SEMA5B: variants seen among roughly 807,000 people sequenced by gnomAD.
SEMA5B encodes the protein semaphorin-5B.
SEMA5B carries 66 observed loss-of-function variants against 135.0 expected under a neutral mutation model. The ratio of observed to expected loss-of-function variants is 0.49; its 90% CI spans 0.40 to 0.60. The LOEUF is 0.60. SEMA5B is among the 20% of genes least tolerant of loss of function. The probability of loss-of-function intolerance (pLI) is 0.00; values close to 1 mark genes in which losing one functional copy is unlikely to be tolerated. For synonymous variants in SEMA5B, 690 were observed against 639.5 expected, an observed-to-expected ratio of 1.08 and a Z score of -1.19; for missense variants, 1,501 against 1,566.3, an observed-to-expected ratio of 0.96 and a Z score of 0.70.
intron 1 of SEMA5B, among the ~76,000 whole-genome samples, chr3:122,972,731 G>T (rs1299322371): frequency 6.6e-6 from 1 of 152,162 alleles, no homozygotes. Context: ...CCCTTCATGT[G>T]GATGGGTCCT....
intron 4 of SEMA5B, among the ~76,000 whole-genome samples, chr3:122,939,990 T>C (rs1434183253): frequency 6.6e-6 from 1 of 152,144 alleles, no homozygotes; most frequent in Non-Finnish European, 1.5e-5. Context: ...GATTTGTTTG[T>C]TCATCTCCTG....
rs912584742 is a variant in SEMA5B, at chr3:123,027,702, C to G, written c.-277G>C. On this transcript the variant is annotated 5_prime_UTR_variant, in exon 1 of 23. Coordinates refer to ENST00000357599, the MANE Select transcript of SEMA5B (RefSeq NM_001031702.4). ...ACCCGCCCGGCTCGGCGGAGCTGGG[C>G]TCTGGCACCAACCCCCGCGCTCCAA... 1 of 152,206 alleles carries G rather than the reference C, an allele frequency of 6.6e-6. No homozygotes were observed. Among genetic ancestry groups the G allele is most frequent in the Non-Finnish European group, 1.5e-5 (1 of 68,080 alleles). 9.4% of individuals were successfully genotyped at this position (152,206 alleles called of 1,614,324 possible). A position where few individuals can be genotyped will look rare whatever the true frequency, so the allele number is the denominator to read the frequency against.
At position 122,924,328 on chromosome 3, in the gene SEMA5B, C is replaced by T. The variant is rs769062818; in HGVS notation, c.1137-576G>A. ...GCTCACAGAGAGGAAACCACCATAC[C>T]AAACGCCTCCAGTTATATTCTTCGC... On this transcript the variant is annotated intron_variant, in intron 9 of 22. Transcript: ENST00000357599. Among the ~76,000 whole-genome samples, 21 of 152,262 alleles carry T rather than the reference C, an allele frequency of 1.4e-4. No individual in the cohort carries two copies. The East Asian group carries it at 2.3e-3, about 17-fold the overall frequency.
intron 5 of SEMA5B, among the ~76,000 whole-genome samples, chr3:122,930,675 A>T (rs9873067): frequency 1.6e-3 from 236 of 152,208 alleles, no homozygotes; most frequent in African/African-American, 5.1e-3. Flanking sequence ...GGGCTGTACC[A>T]TAAGAGGAGT....
chr3:123,012,209 G>T (rs1473711786), intron 1 of SEMA5B, among the ~76,000 whole-genome samples: 1 of 152,186 alleles, frequency 6.6e-6, no homozygotes, highest in Non-Finnish European at 1.5e-5. Flanking sequence ...TTCGGTGAGA[G>T]ACTGGCCTGT....
chr3:122,986,416 C>G (rs1941696175), intron 1 of SEMA5B, among the ~76,000 whole-genome samples: 1 of 152,094 alleles, frequency 6.6e-6, no homozygotes, highest in Non-Finnish European at 1.5e-5. Context: ...GAAAAATCAC[C>G]AAAACCAAAG....
chr3:122,972,800 T>C (rs1941176639), intron 1 of SEMA5B, among the ~76,000 whole-genome samples: 1 of 152,218 alleles, frequency 6.6e-6, no homozygotes, highest in Non-Finnish European at 1.5e-5. Context: ...AGAAGGCTTG[T>C]CATGGCTCCC....
rs1484265908 is a variant in SEMA5B at position 122,981,848 on chromosome 3, G to A, written c.-38-20547C>T. Among the ~76,000 whole-genome samples, 9 of 152,244 alleles carry A rather than the reference G, an allele frequency of 5.9e-5. No individual in the cohort carries two copies. In the East Asian group the frequency reaches 1.5e-3, roughly 26 times the overall value. ...AGAAACAGGTGATGTGGGTTTGGGA[G>A]GCAACCAGGATCTGGTGTGACACGG... On this transcript the variant is annotated intron_variant, in intron 1 of 22. Coordinates refer to ENST00000357599, the MANE Select transcript of SEMA5B (RefSeq NM_001031702.4).
Position 122,913,975 on chromosome 3 carries a change from G to A in SEMA5B, c.2015C>T (p.Ser672Leu), listed in dbSNP as rs1937926137. ...SRNGAWTPWSSWALCSTSCGI... is the reference protein window; with the variant it reads ...SRNGAWTPWSLWALCSTSCGI... ...ACAGGACGTGCTGCACAGCGCCCAC[G>A]ATGACCACGGGGTCCACGCCCCATT... Residue 672 changes from serine (S) to leucine (L), a missense_variant, in exon 15 of 23, where the codon TCG becomes TTG. Ser to Leu is a moderately radical substitution (Grantham distance 145, BLOSUM62 -2). Around this residue, in one of 2 missense-constraint regions of SEMA5B, gnomAD observed 927 missense variants for 881.6 expected, o/e 1.05. Transcript: ENST00000357599. 6.2e-7 allele frequency: 1 copy of A among 1,607,682 alleles called. No homozygotes were observed. The highest frequency in any genetic ancestry group is 1.3e-5 in the African/African-American group (1 of 74,852).
At chr3:123,021,303 T>G (rs1480430614) in intron 1 of SEMA5B, among the ~76,000 whole-genome samples, 1 of 152,132 alleles carries the variant, frequency 6.6e-6, no homozygotes, top group East Asian at 1.9e-4. Context: ...CAGTCTGCTT[T>G]GAGTGGATGA....
intron 1 of SEMA5B, among the ~76,000 whole-genome samples, chr3:122,984,996 G>T (rs1194624379): frequency 1.3e-5 from 2 of 152,038 alleles, no homozygotes; most frequent in Middle Eastern, 3.2e-3. Flanking sequence ...TCTAGGATAG[G>T]GTATTTTTAT....
At chr3:122,964,497 C>A (rs912134917) in intron 1 of SEMA5B, among the ~76,000 whole-genome samples, 4 of 152,152 alleles carry the variant, frequency 2.6e-5, no homozygotes, top group Admixed American at 2.0e-4. Flanking sequence ...GAAAATTTTC[C>A]CATGTTTAAA....
At chr3:123,009,077 C>T (rs752845358) in intron 1 of SEMA5B, among the ~76,000 whole-genome samples, 70 of 152,236 alleles carry the variant, frequency 4.6e-4, no homozygotes, top group Admixed American at 2.0e-3. Flanking sequence ...GACACGGACC[C>T]GGTGGACCCG....
intron 1 of SEMA5B, among the ~76,000 whole-genome samples, chr3:122,983,549 G>A (rs1705368691): frequency 6.6e-6 from 1 of 151,616 alleles, no homozygotes; most frequent in Non-Finnish European, 1.5e-5. Context: ...ATGGCTGACA[G>A]AGTCCTATTA....
chr3:122,972,690 CA>C (rs1454277976), intron 1 of SEMA5B, among the ~76,000 whole-genome samples: 1 of 152,172 alleles, frequency 6.6e-6, no homozygotes, highest in Non-Finnish European at 1.5e-5. Flanking sequence ...AGGTGACCAG[CA>C]GAAAGGTAGT....
intron 1 of SEMA5B, among the ~76,000 whole-genome samples, chr3:122,997,527 C>CG (rs61474628): frequency 1.1e-4 from 17 of 151,918 alleles, no homozygotes; most frequent in Admixed American, 1.1e-3. Flanking sequence ...CTCCCCCCCC[C>CG]GTCTCCACCA....
chr3:122,984,763 A>G (rs187439367), intron 1 of SEMA5B, among the ~76,000 whole-genome samples: 160 of 152,376 alleles, frequency 1.1e-3, no homozygotes, highest in African/African-American at 3.6e-3. Flanking sequence ...CTTAAAAAAA[A>G]GTAATTAAAA....
chr3:122,988,404 T>G lies in SEMA5B; in HGVS notation c.-38-27103A>C, dbSNP rs114450303. On this transcript the variant is annotated intron_variant, in intron 1 of 22. Transcript: ENST00000357599. Reference sequence around the variant, plus strand: ...CTAAAATCAAACACCGTCTGTATCCTCCATGTGCTAAAGTCAAGTCTACAG... The same window carrying G: ...CTAAAATCAAACACCGTCTGTATCCGCCATGTGCTAAAGTCAAGTCTACAG... Among the ~76,000 whole-genome samples, 851 of 152,264 alleles carry G rather than the reference T, an allele frequency of 5.6e-3. 11 individuals are homozygous for G. The highest frequency in any genetic ancestry group is 0.019 in the African/African-American group (789 of 41,548).
intron 4 of SEMA5B, among the ~76,000 whole-genome samples, chr3:122,939,905 C>T (rs1186565827): frequency 6.6e-6 from 1 of 152,186 alleles, no homozygotes; most frequent in Non-Finnish European, 1.5e-5. Flanking sequence ...CCTACTCTGG[C>T]CCTCCACCCT....
Sources: allele counts gnomAD v4.1 joint callset (sites outside exome capture counted in the v4.1 genomes callset), GRCh38; gene constraint gnomAD v4.1.1; regional missense constraint gnomAD v4.1.1; transcripts MANE v1.5; gene names NCBI Gene and HGNC (gene_info 2026-07-23, HGNC 2026-07-21).